Variants in ACOT7 observed in about 807,000 individuals in gnomAD.
The protein encoded by ACOT7 is cytosolic acyl coenzyme A thioester hydrolase.
Under a neutral mutation model 40.2 loss-of-function variants are expected in ACOT7, and 12 were observed. The ratio of observed to expected loss-of-function variants is 0.30; its 90% confidence interval spans 0.19 to 0.48. ACOT7 has a LOEUF of 0.48. Ranked by LOEUF, ACOT7 falls within the 20% of genes least tolerant of loss-of-function variation. The pLI is 0.99. For missense variants in ACOT7, 395 were observed against 530.8 expected, an observed-to-expected ratio of 0.74 and a Z score of 2.51; for synonymous variants, 228 against 219.5, an observed-to-expected ratio of 1.04 and a Z score of -0.34.
intron 5 of ACOT7, among the ~76,000 whole-genome samples, chr1:6,323,738 ATATATATATAT>A (rs1186376885): frequency 8.0e-4 from 27 of 33,554 alleles, no homozygotes; most frequent in African/African-American, 2.7e-3. Context: ...AAAAAAAAAA[ATATATATATAT>A]ATATATATAT....
Position 6,306,801 on chromosome 1 carries a change from G to C in ACOT7, c.712+11691C>G. The C allele has an allele frequency of 7.8e-7, 1 of 1,288,810 alleles. No individual in the cohort carries two copies. The highest frequency in any genetic ancestry group is 1.0e-6 in the Non-Finnish European group (1 of 988,492). The allele number at this position is 1,288,810 out of a possible 1,614,324, so 79.8% of individuals were successfully genotyped here. On this transcript the variant is annotated intron_variant, in intron 6 of 8. Transcript: ENST00000361521. The surrounding 1 kb of genome is among the most constrained non-coding windows in gnomAD (Gnocchi z 4.3). ...TGTGTTGTGTCCCACGTAGCAGTGG[G>C]GGCTCCGGCCAAACAAGGTCACGGA... is the stretch of plus-strand genomic sequence containing the variant.
chr1:6,309,148 G>A (rs1419328822), intron 6 of ACOT7, among the ~76,000 whole-genome samples: 3 of 152,214 alleles, frequency 2.0e-5, no homozygotes, highest in East Asian at 1.9e-4. Flanking sequence ...AGCAGAGGCC[G>A]AGTCATCCCA....
intron 1 of ACOT7, among the ~76,000 whole-genome samples, chr1:6,361,289 G>C (rs959697529): frequency 2.0e-5 from 3 of 152,144 alleles, no homozygotes; most frequent in African/African-American, 4.8e-5. Context: ...CAGATCTACA[G>C]AAACAGAAAG....
At chr1:6,270,049 C>T (rs1272774592) in intron 8 of ACOT7, among the ~76,000 whole-genome samples, 1 of 152,214 alleles carries the variant, frequency 6.6e-6, no homozygotes, top group Non-Finnish European at 1.5e-5. Context: ...GGTGTCTGTC[C>T]CATGGTAGGT....
chr1:6,301,491 C>T lies in ACOT7; in HGVS notation c.713-6511G>A, dbSNP rs973487238. ...CCCCCATGCTCCTGCAGGCTCCACA[C>T]GGCACCCCCAGACCACACTGCATGA... On this transcript the variant is annotated intron_variant, in intron 6 of 8. Coordinates refer to ENST00000361521, the MANE Select transcript of ACOT7 (RefSeq NM_007274.4). This position sits in a 1 kb window ranked among gnomAD's most constrained non-coding sequence, Gnocchi z 4.1. 9.9e-5 allele frequency among the ~76,000 whole-genome samples: 15 copies of T among 152,164 alleles called. No individual in the cohort carries two copies. Among genetic ancestry groups the T allele is most frequent in the African/African-American group, 3.4e-4 (14 of 41,440 alleles).
In ACOT7 at chr1:6,305,210, C is replaced by G. The variant is rs140190150; in HGVS notation, c.713-10230G>C. Among the ~76,000 whole-genome samples, 791 of 148,460 alleles carry G rather than the reference C, an allele frequency of 5.3e-3. 13 individuals carry two copies. Among genetic ancestry groups the G allele is most frequent in the African/African-American group, 0.019 (746 of 39,248 alleles). ...TGGCCGGGCGGGGGGCTGTCCCCCC[C>G]ACATCCTTCCCGGACGGGGCGGCGG... On this transcript the variant is annotated intron_variant, in intron 6 of 8. Coordinates refer to ENST00000361521, the MANE Select transcript of ACOT7 (RefSeq NM_007274.4).
At chr1:6,324,808 C>T (rs950380041) in intron 5 of ACOT7, among the ~76,000 whole-genome samples, 2 of 152,244 alleles carry the variant, frequency 1.3e-5, no homozygotes, top group African/African-American at 4.8e-5. Context: ...CAGATGATCT[C>T]AAGATCCTTA....
chr1:6,367,430 C>G (rs548803687), intron 1 of ACOT7, among the ~76,000 whole-genome samples: 1 of 152,186 alleles, frequency 6.6e-6, no homozygotes, highest in Non-Finnish European at 1.5e-5. Flanking sequence ...CAGCCTGGAG[C>G]TCCCATGCCT....
intron 6 of ACOT7, among the ~76,000 whole-genome samples, chr1:6,308,674 G>A (rs1640241580): frequency 6.6e-6 from 1 of 151,588 alleles, no homozygotes; most frequent in African/African-American, 2.4e-5. Flanking sequence ...ACAGGCAGAG[G>A]GAACCACGAC....
intron 1 of ACOT7, among the ~76,000 whole-genome samples, chr1:6,383,879 T>G (rs1405181909): frequency 1.3e-5 from 2 of 151,576 alleles, no homozygotes; most frequent in Non-Finnish European, 2.9e-5. Flanking sequence ...TAATTTTTTG[T>G]ATTTTTGGTA....
rs528632823 is a variant in ACOT7 at position 6,375,407 on chromosome 1, C to T, written c.143+17850G>A. Among the ~76,000 whole-genome samples, 9 of 152,196 alleles carry T rather than the reference C, an allele frequency of 5.9e-5. No homozygotes were observed. In the East Asian group the frequency reaches 1.3e-3, roughly 23 times the overall value. ...AAGAGGCCAGGCGCGGTGACTCATG[C>T]CTATAATCCCAGCACTTTGGGAGGT... is the stretch of plus-strand genomic sequence containing the variant. On this transcript the variant is annotated intron_variant, in intron 1 of 8. Transcript: ENST00000361521.
At position 6,344,272 on chromosome 1, in the gene ACOT7, CAA is replaced by C. The variant is rs201597187; in HGVS notation, c.262-4685_262-4684del. ...GAGGAGGCACAAAAGCAGGTTCACT[CAA>C]AGAGTGACTTGAGGCAGGAGGAAGG... is the stretch of plus-strand genomic sequence containing the variant. On this transcript the variant is annotated intron_variant, in intron 2 of 8. Coordinates refer to ENST00000361521, the MANE Select transcript of ACOT7 (RefSeq NM_007274.4). Among the ~76,000 whole-genome samples the C allele has an allele frequency of 1.2e-3, 186 of 152,310 alleles. 4 individuals are homozygous for C. Among genetic ancestry groups the C allele is most frequent in the Admixed American group, 0.011 (167 of 15,300 alleles).
rs1024245388 is a variant in ACOT7, at chr1:6,367,349, T to G, written c.144-17483A>C. 5.3e-5 allele frequency among the ~76,000 whole-genome samples: 8 copies of G among 152,326 alleles called. No individual in the cohort carries two copies. The South Asian group carries it at 1.7e-3, about 32-fold the overall frequency. The stretch of plus-strand genomic sequence containing the variant: ...CTCTGTGTCTTGTGGCACCTTTGCC[T>G]AAGTTTTGCTGGGGCCCACTGGGCT... On this transcript the variant is annotated intron_variant, in intron 1 of 8. Coordinates refer to ENST00000361521, the MANE Select transcript of ACOT7 (RefSeq NM_007274.4).
At chr1:6,317,970 G>T (rs1200681479) in intron 6 of ACOT7, among the ~76,000 whole-genome samples, 1 of 152,172 alleles carries the variant, frequency 6.6e-6, no homozygotes, top group Non-Finnish European at 1.5e-5. Flanking sequence ...GACCTCAGGT[G>T]ATCCAGCCAC....
intron 2 of ACOT7, among the ~76,000 whole-genome samples, chr1:6,344,062 G>A (rs1213731837): frequency 6.6e-6 from 1 of 152,244 alleles, no homozygotes; most frequent in East Asian, 1.9e-4. Flanking sequence ...AAGACCAGGT[G>A]TTAGGCAGGA....
chr1:6,299,744 CCA>C lies in ACOT7; in HGVS notation c.713-4766_713-4765del, dbSNP rs1024115361. ...GGCTTAGTAGCGGCAGAGCTGCAGC[CCA>C]CAGACTGAGTTCTTCTAGGTTGATC... On this transcript the variant is annotated intron_variant, in intron 6 of 8. Coordinates refer to ENST00000361521, the MANE Select transcript of ACOT7 (RefSeq NM_007274.4). This position sits in a 1 kb window ranked among gnomAD's most constrained non-coding sequence, Gnocchi z 4.1. Among the ~76,000 whole-genome samples, 5 of 151,944 alleles carry C rather than the reference CCA, an allele frequency of 3.3e-5. No individual in the cohort carries two copies. The highest frequency in any genetic ancestry group is 1.3e-4 in the Admixed American group (2 of 15,256).
At chr1:6,390,342 C>A (rs1273759502) in intron 1 of ACOT7, among the ~76,000 whole-genome samples, 8 of 151,992 alleles carry the variant, frequency 5.3e-5, no homozygotes, top group Non-Finnish European at 7.4e-5. Context: ...GAGGCCGAGG[C>A]GGGCAGATCA....
chr1:6,386,666 G>A (rs7541652), intron 1 of ACOT7, among the ~76,000 whole-genome samples: 6,434 of 152,158 alleles, frequency 0.042, 464 homozygotes, highest in African/African-American at 0.15. Flanking sequence ...GACCTGCCTC[G>A]GCAACAAAGT....
At chr1:6,378,293 G>C (rs996218183) in intron 1 of ACOT7, among the ~76,000 whole-genome samples, 2 of 151,612 alleles carry the variant, frequency 1.3e-5, no homozygotes, top group African/African-American at 4.8e-5. Flanking sequence ...TGGTGGCCGG[G>C]GTGCTCCTCG....
Sources: gnomAD v4.1 joint callset for allele counts (sites outside exome capture counted in the v4.1 genomes callset) on GRCh38, gnomAD v4.1.1 for gene constraint, Gnocchi (gnomAD v3.1) non-coding constraint, MANE v1.5 for transcripts, NCBI Gene and HGNC (gene_info 2026-07-23, HGNC 2026-07-21) for gene names.